ZNF487: variants seen among roughly 807,000 people sequenced by gnomAD.
ZNF487 encodes zinc finger protein 487.
ZNF487 carries 4 observed loss-of-function variants against 3.0 expected under a neutral mutation model. The ratio of observed to expected loss-of-function variants is 1.35; its 90% CI spans 0.66 to 3.08. The LOEUF is 3.08. Ranked by LOEUF, ZNF487 falls within the 30% of genes most tolerant of loss-of-function variation. The pLI is 0.01. For missense variants in ZNF487, 146 were observed against 98.7 expected, an observed-to-expected ratio of 1.48 and a Z score of -2.03; for synonymous variants, 55 against 34.6, an observed-to-expected ratio of 1.59 and a Z score of -2.06.
At chr10:43,479,079 A>ATG (rs1841211476) in intron 3 of ZNF487, among the ~76,000 whole-genome samples, 1 of 138,396 alleles carries the variant, frequency 7.2e-6, no homozygotes, top group Non-Finnish European at 1.5e-5. Flanking sequence ...GTATGTATGT[A>ATG]TGTGTGTATA....
At chr10:43,470,515 C>G (rs1175599004) in intron 1 of ZNF487, among the ~76,000 whole-genome samples, 1 of 152,138 alleles carries the variant, frequency 6.6e-6, no homozygotes, top group African/African-American at 2.4e-5. Context: ...TCCCAAGTAC[C>G]TGGGATTACA....
chr10:43,489,144 T>C, the ZNF487 span, among the ~76,000 whole-genome samples: 5 of 151,864 alleles, frequency 3.3e-5, no homozygotes, highest in African/African-American at 1.2e-4. Flanking sequence ...TTCTTGGAGA[T>C]ACTACATCAA....
At chr10:43,438,930 AAAAT>A (rs1839478030) in intron 1 of ZNF487, among the ~76,000 whole-genome samples, 1 of 151,998 alleles carries the variant, frequency 6.6e-6, no homozygotes, top group African/African-American at 2.4e-5. Context: ...AAAATAAAAT[AAAAT>A]AAAGAATACA....
At chr10:43,490,500 CTTT>C in the ZNF487 span, among the ~76,000 whole-genome samples, 1 of 39,134 alleles carries the variant, frequency 2.6e-5, no homozygotes, top group Non-Finnish European at 4.6e-5. Flanking sequence ...AGTAGCTCTA[CTTT>C]TTTTTTTTTT....
At chr10:43,442,007 A>G (rs1377769498) in intron 1 of ZNF487, among the ~76,000 whole-genome samples, 1 of 152,168 alleles carries the variant, frequency 6.6e-6, no homozygotes, top group South Asian at 2.1e-4. Flanking sequence ...CGGGAAAATC[A>G]AAGTCAGGAG....
chr10:43,491,621 A>C, the ZNF487 span, among the ~76,000 whole-genome samples: 1 of 151,690 alleles, frequency 6.6e-6, no homozygotes, highest in Non-Finnish European at 1.5e-5. Flanking sequence ...CCTTTTGCCC[A>C]GCCTCTTTCT....
chr10:43,517,459 G>A, the ZNF487 span, among the ~76,000 whole-genome samples: 1 of 152,208 alleles, frequency 6.6e-6, no homozygotes, highest in East Asian at 1.9e-4. Context: ...AATCCCATGA[G>A]TCTCCTCAAA....
At chr10:43,486,678 A>G (rs1257681907), downstream of ZNF487, among the ~76,000 whole-genome samples, 1 of 152,230 alleles carries the variant, frequency 6.6e-6, no homozygotes, top group Non-Finnish European at 1.5e-5. Context: ...TAGATATCAC[A>G]CAATGGTAAA....
chr10:43,503,794 G>A, the ZNF487 span, among the ~76,000 whole-genome samples: 1 of 152,080 alleles, frequency 6.6e-6, no homozygotes, highest in African/African-American at 2.4e-5. Context: ...TTTCTGTAGA[G>A]ACAGGGTTTC....
chr10:43,455,235 T>TCTCCTGAC (rs1840141408), intron 1 of ZNF487, among the ~76,000 whole-genome samples: 1 of 152,034 alleles, frequency 6.6e-6, no homozygotes, highest in Non-Finnish European at 1.5e-5. Flanking sequence ...ATGGTCTCGA[T>TCTCCTGAC]CTCCTGACCT....
At chr10:43,460,380 CTTT>C (rs199998705) in intron 1 of ZNF487, among the ~76,000 whole-genome samples, 1 of 121,114 alleles carries the variant, frequency 8.3e-6, no homozygotes, top group Non-Finnish European at 1.7e-5. Flanking sequence ...TTCTTTCTTT[CTTT>C]TTTTTTTTTT....
chr10:43,449,495 A>C (rs973552910), intron 1 of ZNF487, among the ~76,000 whole-genome samples: 5 of 152,176 alleles, frequency 3.3e-5, no homozygotes, highest in Non-Finnish European at 5.9e-5. Context: ...AATTCAGTCT[A>C]ACATTATGTA....
At chr10:43,513,237 A>G in the ZNF487 span, among the ~76,000 whole-genome samples, 1 of 152,250 alleles carries the variant, frequency 6.6e-6, no homozygotes, top group Non-Finnish European at 1.5e-5. Context: ...TAGGACAGTA[A>G]AGGTATATTG....
At chr10:43,515,884 C>T in the ZNF487 span, among the ~76,000 whole-genome samples, 19 of 152,160 alleles carry the variant, frequency 1.2e-4, no homozygotes, top group African/African-American at 4.6e-4. Flanking sequence ...AAGTGATTCC[C>T]CTGCCTCAGC....
At chr10:43,477,309 C>T (rs1041292747) in intron 3 of ZNF487, among the ~76,000 whole-genome samples, 1 of 151,696 alleles carries the variant, frequency 6.6e-6, no homozygotes, top group Admixed American at 6.6e-5. Context: ...ATTCTCATAC[C>T]TCAGCCTCCC....
the ZNF487 span, among the ~76,000 whole-genome samples, chr10:43,497,547 C>A: frequency 1.3e-5 from 2 of 152,166 alleles, no homozygotes; most frequent in African/African-American, 2.4e-5. Flanking sequence ...ATGGCGCCTG[C>A]ACTAGCTCAG....
In ZNF487 at chr10:43,482,058, C is replaced by T. The variant is rs1841384503; in HGVS notation, c.*136C>T. 3.4e-6 allele frequency: 2 copies of T among 580,982 alleles called. No individual in the cohort carries two copies. Among genetic ancestry groups the T allele is most frequent in the Admixed American group, 3.3e-5 (1 of 30,060 alleles). The allele number at this position is 580,982 out of a possible 1,614,324, so 36.0% of individuals were successfully genotyped here. A position where few individuals can be genotyped will look rare whatever the true frequency, so the allele number is the denominator to read the frequency against. ...GTGAGAGGCCACCTGTAAATAAACA[C>T]CACAGGGTTATGGAGATGAAATACT... On this transcript the variant is annotated 3_prime_UTR_variant, in exon 4 of 4. Coordinates refer to ENST00000437590, the MANE Select transcript of ZNF487 (RefSeq NM_001355444.3).
chr10:43,466,647 C>T (rs928064097), intron 1 of ZNF487, among the ~76,000 whole-genome samples: 16 of 151,958 alleles, frequency 1.1e-4, no homozygotes, highest in Non-Finnish European at 1.5e-4. Context: ...GTGATCCACC[C>T]GCCTCGGCAT....
At chr10:43,475,922 G>A in intron 2 of ZNF487, 75 bp downstream of exon 2, 2 of 666,418 alleles carry the variant, frequency 3.0e-6, no homozygotes, top group Non-Finnish European at 5.5e-6. Context: ...TGGTTTCTTT[G>A]TATGAATATG....
Sources: gnomAD v4.1 joint callset for allele counts (sites outside exome capture counted in the v4.1 genomes callset) on GRCh38, gnomAD v4.1.1 for gene constraint, MANE v1.5 for transcripts, NCBI Gene and HGNC (gene_info 2026-07-23, HGNC 2026-07-21) for gene names.